Variants in RAPGEF4 observed in about 807,000 individuals in gnomAD.
The protein encoded by RAPGEF4 is Rap guanine nucleotide exchange factor 4, also known as RAP guanine-nucleotide-exchange factor (GEF) 4.
A neutral mutation model predicts 147.9 loss-of-function variants in RAPGEF4; 66 were observed. The ratio of observed to expected loss-of-function variants is 0.45; its 90% CI spans 0.37 to 0.55. RAPGEF4 has a LOEUF of 0.55. Among genes scored for constraint, RAPGEF4 ranks in the 20% least tolerant of loss-of-function variants. The pLI, the probability that RAPGEF4 is intolerant of heterozygous loss-of-function variation, is 0.00. For synonymous variants in RAPGEF4, 419 were observed against 442.7 expected (o/e 0.95, Z 0.67); for missense variants, 1,071 against 1,257.3 (o/e 0.85, Z 2.24).
At chr2:172,776,553 A>T (rs1477663312) in intron 1 of RAPGEF4, among the ~76,000 whole-genome samples, 2 of 151,592 alleles carry the variant, frequency 1.3e-5, no homozygotes, top group South Asian at 2.1e-4. Context: ...TGGGACTTTC[A>T]TCATATGTGG....
chr2:172,925,225 C>T (rs984205486), intron 6 of RAPGEF4, among the ~76,000 whole-genome samples: 9 of 152,162 alleles, frequency 5.9e-5, no homozygotes, highest in African/African-American at 1.7e-4. Flanking sequence ...ATGATCCGCC[C>T]GCCTCGGCCT....
intron 4 of RAPGEF4, among the ~76,000 whole-genome samples, chr2:172,816,369 A>G (rs1688503411): frequency 6.6e-6 from 1 of 151,228 alleles, no homozygotes; most frequent in Non-Finnish European, 1.5e-5. Context: ...CAAATTCAAG[A>G]TTTGTCTGAT....
Position 172,965,480 on chromosome 2 carries a change from G to C in RAPGEF4, c.699-82G>C, listed in dbSNP as rs1395305078. 7.4e-6 allele frequency: 11 copies of C among 1,479,240 alleles called. No individual in the cohort carries two copies. In the South Asian group the frequency reaches 1.0e-4, roughly 14 times the overall value. 91.6% of individuals were successfully genotyped at this position (1,479,240 alleles called of 1,614,324 possible). A position where few individuals can be genotyped will look rare whatever the true frequency, so the allele number is the denominator to read the frequency against. ...TAGGAGATCATTAAGCCCTTTGGTAGGTTTTCCTCTCAAAAGCCATCTCCC... is the reference window on the plus strand; with the variant it reads ...TAGGAGATCATTAAGCCCTTTGGTACGTTTTCCTCTCAAAAGCCATCTCCC... On this transcript the variant is annotated intron_variant, in intron 8 of 30. Coordinates refer to ENST00000397081, the MANE Select transcript of RAPGEF4 (RefSeq NM_007023.4).
intron 14 of RAPGEF4, among the ~76,000 whole-genome samples, chr2:172,989,942 A>G (rs146108925): frequency 1.3e-5 from 2 of 150,558 alleles, no homozygotes; most frequent in Non-Finnish European, 2.9e-5. Flanking sequence ...CAATCCCTAC[A>G]TGGCCTTAAG....
intron 17 of RAPGEF4, among the ~76,000 whole-genome samples, chr2:173,006,519 A>T (rs3769233): frequency 0.041 from 6,293 of 152,256 alleles, 183 homozygotes; most frequent in East Asian, 0.075. Context: ...AGAAGAAAAA[A>T]ATATAGAACA....
chr2:172,882,003 C>A (rs1483978381), intron 4 of RAPGEF4, among the ~76,000 whole-genome samples: 1 of 152,104 alleles, frequency 6.6e-6, no homozygotes, highest in Admixed American at 6.6e-5. Flanking sequence ...TAACAATAAG[C>A]TCTTTTAGAC....
At chr2:173,011,170 GCACACACACACACACA>G (rs1553548086) in intron 17 of RAPGEF4, among the ~76,000 whole-genome samples, 1 of 133,500 alleles carries the variant, frequency 7.5e-6, no homozygotes, top group Non-Finnish European at 1.6e-5. Flanking sequence ...GCGCGCGCGC[GCACACACACACACACA>G]CACACACACA....
intron 1 of RAPGEF4, among the ~76,000 whole-genome samples, chr2:172,778,819 G>A (rs927269943): frequency 2.0e-5 from 3 of 152,092 alleles, no homozygotes; most frequent in African/African-American, 7.2e-5. Flanking sequence ...AAAAGTGAAA[G>A]GGATCTCACA....
intron 3 of RAPGEF4, among the ~76,000 whole-genome samples, chr2:172,804,921 A>G (rs1574895332): frequency 6.6e-6 from 1 of 152,168 alleles, no homozygotes; most frequent in Admixed American, 6.5e-5. Context: ...GGAATGGCTC[A>G]CCTTCCAGTG....
intron 27 of RAPGEF4, among the ~76,000 whole-genome samples, chr2:173,035,233 G>T (rs1683809622): frequency 1.3e-5 from 2 of 151,728 alleles, no homozygotes; most frequent in Admixed American, 1.3e-4. Flanking sequence ...TCTCGGCCAG[G>T]CACGGTGGCT....
intron 4 of RAPGEF4, among the ~76,000 whole-genome samples, chr2:172,853,276 A>G (rs1195179972): frequency 6.6e-6 from 1 of 151,944 alleles, no homozygotes; most frequent in Non-Finnish European, 1.5e-5. Context: ...AGTTTTCTTT[A>G]TGAGGATTTT....
intron 4 of RAPGEF4, among the ~76,000 whole-genome samples, chr2:172,819,563 T>C (rs960890343): frequency 2.2e-5 from 3 of 136,574 alleles, no homozygotes; most frequent in Non-Finnish European, 4.6e-5. Context: ...CCTCCCGGGT[T>C]CACGCCATTC....
intron 14 of RAPGEF4, among the ~76,000 whole-genome samples, chr2:172,989,576 C>T (rs1692620525): frequency 6.6e-6 from 1 of 152,166 alleles, no homozygotes; most frequent in African/African-American, 2.4e-5. Flanking sequence ...TCTCTGGTCT[C>T]TCCCCAGCAT....
At chr2:172,998,287 G>T (rs34039464) in intron 16 of RAPGEF4, among the ~76,000 whole-genome samples, 52,991 of 152,100 alleles carry the variant, frequency 0.35, 10,341 homozygotes, top group East Asian at 0.79. Context: ...TCCATACTAA[G>T]GGATAATATT....
Position 172,967,404 on chromosome 2 carries a change from A to G in RAPGEF4, c.964A>G (p.Met322Val), listed in dbSNP as rs1689960179. 1 of 1,611,838 alleles carries G rather than the reference A, an allele frequency of 6.2e-7. No individual in the cohort carries two copies. ...GGACACCATGCTGCTGCTGTCACAG[A>G]TGGGCCCCGACGCCCACATGAGGAT... ...LQDTMLLLSQ[M>V]GPDAHMRMIL... is the part of the protein sequence containing the mutation. The change falls in exon 10 of 31, where the codon ATG becomes GTG. Residue 322 changes from methionine to valine, a missense_variant. Physicochemically the swap from Met to Val is conservative, Grantham distance 21 (BLOSUM62 1). Coordinates refer to ENST00000397081, the MANE Select transcript of RAPGEF4 (RefSeq NM_007023.4).
rs1268842612 is a variant in RAPGEF4, at chr2:172,985,459, C to T, written c.1116C>T (p.Leu372=). 1 of 1,613,890 alleles carries T rather than the reference C, an allele frequency of 6.2e-7. No individual in the cohort carries two copies. ...TGAAACGAGAGTTAGCAGGTGTTCT[C>T]ATTTTTGAGTCTCACGCCAAAGGAG... ...TTVKRELAGV[L]IFESHAKGGT... is the part of the protein sequence containing the mutation. Residue 372 remains leucine, a synonymous_variant, in exon 12 of 31, where the codon CTC becomes CTT. Coordinates refer to ENST00000397081, the MANE Select transcript of RAPGEF4 (RefSeq NM_007023.4).
At chr2:172,953,542 G>T (rs530871639) in intron 6 of RAPGEF4, among the ~76,000 whole-genome samples, 1 of 152,012 alleles carries the variant, frequency 6.6e-6, no homozygotes, top group African/African-American at 2.4e-5. Context: ...ATATACACAT[G>T]AAATAATCCC....
intron 4 of RAPGEF4, among the ~76,000 whole-genome samples, chr2:172,843,174 G>A (rs915616910): frequency 5.3e-5 from 8 of 152,130 alleles, no homozygotes; most frequent in Admixed American, 3.9e-4. Context: ...CTTGCATGGA[G>A]TACAAATAGA....
chr2:172,820,427 A>G (rs904062101), intron 4 of RAPGEF4, among the ~76,000 whole-genome samples: 2 of 152,248 alleles, frequency 1.3e-5, no homozygotes, highest in African/African-American at 4.8e-5. Flanking sequence ...ATTAAAAATA[A>G]AAGCAATGTT....
Sources: gnomAD v4.1 joint callset for allele counts (sites outside exome capture counted in the v4.1 genomes callset) on GRCh38, gnomAD v4.1.1 for gene constraint, MANE v1.5 for transcripts, NCBI Gene and HGNC (gene_info 2026-07-23, HGNC 2026-07-21) for gene names.